The following NLGN1 variants were observed in gnomAD, a reference collection of about 807,000 sequenced individuals.
The protein encoded by NLGN1 is neuroligin 1.
In NLGN1, 12 loss-of-function variants were observed where a neutral mutation model predicts 65.5. The ratio of observed to expected loss-of-function variants is 0.18; its 90% CI spans 0.12 to 0.30. NLGN1 has a LOEUF of 0.30. Among genes scored for constraint, NLGN1 ranks in the 10% least tolerant of loss-of-function variants. The probability of loss-of-function intolerance (pLI) is 1.00; values close to 1 mark genes in which losing one functional copy is unlikely to be tolerated. For missense variants in NLGN1, 750 were observed against 1,007.1 expected (o/e 0.74, Z 3.46); for synonymous variants, 350 against 359.5 (o/e 0.97, Z 0.30).
At chr3:173,808,795 T>C (rs2150456031) in intron 4 of NLGN1, among the ~76,000 whole-genome samples, 1 of 152,282 alleles carries the variant, frequency 6.6e-6, no homozygotes, top group Middle Eastern at 3.4e-3. Flanking sequence ...GCCTCACTCT[T>C]TCATTCTATT....
intron 3 of NLGN1, chr3:173,685,830 ATCATTTACTATTCT>A: frequency 1.0e-6 from 1 of 975,448 alleles, no homozygotes; most frequent in Non-Finnish European, 1.2e-6. Context: ...ATATGGAGAT[ATCATTTACTATTCT>A]TCAACATCAG....
chr3:173,797,698 AC>A (rs774837169), intron 3 of NLGN1, among the ~76,000 whole-genome samples: 168 of 147,598 alleles, frequency 1.1e-3, no homozygotes, highest in African/African-American at 3.3e-3. Context: ...AACAACAACA[AC>A]AAAAAAAAAC....
intron 3 of NLGN1, among the ~76,000 whole-genome samples, chr3:173,685,392 G>A (rs1764537442): frequency 6.6e-6 from 1 of 152,156 alleles, no homozygotes; most frequent in Non-Finnish European, 1.5e-5. Flanking sequence ...AAAATTAAGA[G>A]CTAAACGTGT....
At chr3:173,857,549 C>T (rs2150778063) in intron 4 of NLGN1, among the ~76,000 whole-genome samples, 1 of 151,930 alleles carries the variant, frequency 6.6e-6, no homozygotes, top group African/African-American at 2.4e-5. Context: ...TTGATAATAA[C>T]AATATTGAAC....
intron 4 of NLGN1, among the ~76,000 whole-genome samples, chr3:174,108,848 C>T (rs1236683180): frequency 1.3e-5 from 2 of 151,976 alleles, no homozygotes; most frequent in African/African-American, 4.8e-5. Flanking sequence ...GTCTGAGGTC[C>T]CTAACTGATC....
intron 3 of NLGN1, among the ~76,000 whole-genome samples, chr3:173,734,379 C>CAATTTTTTTTTTTTTTTTTTT (rs1560261820): frequency 1.7e-5 from 1 of 59,048 alleles, no homozygotes; most frequent in African/African-American, 6.4e-5. Flanking sequence ...GTGGATAATT[C>CAATTTTTTTTTTTTTTTTTTT]TATTTTTTTT....
chr3:174,125,503 T>G (rs1718746155), intron 4 of NLGN1, among the ~76,000 whole-genome samples: 1 of 151,916 alleles, frequency 6.6e-6, no homozygotes, highest in South Asian at 2.1e-4. Flanking sequence ...AGAAGGAGTT[T>G]AGGTGGGGGA....
intron 3 of NLGN1, among the ~76,000 whole-genome samples, chr3:173,791,339 T>C (rs1387386298): frequency 6.6e-6 from 1 of 152,198 alleles, no homozygotes; most frequent in Non-Finnish European, 1.5e-5. Flanking sequence ...CTCTTGTCCT[T>C]ACTTTACATC....
intron 2 of NLGN1, among the ~76,000 whole-genome samples, chr3:173,451,805 C>G (rs1192224815): frequency 6.6e-6 from 1 of 152,202 alleles, no homozygotes; most frequent in Non-Finnish European, 1.5e-5. Flanking sequence ...AGTTTGATCT[C>G]AGACTGCTAT....
In NLGN1 at chr3:173,593,207, T is replaced by C. The variant is rs115357683; in HGVS notation, c.-320-11072T>C. On this transcript the variant is annotated intron_variant, in intron 2 of 6. Coordinates refer to ENST00000457714, the Ensembl canonical transcript of NLGN1. ...CTTACTTAAAGTCTATCTTCCCCCA[T>C]TGAACTTCAGTCTTTTTAAAACAAT... Among the ~76,000 whole-genome samples the C allele has an allele frequency of 5.9e-5, 9 of 152,288 alleles. No homozygotes were observed. In the South Asian group the frequency reaches 1.0e-3, roughly 18 times the overall value.
intron 4 of NLGN1, among the ~76,000 whole-genome samples, chr3:173,823,984 A>T (rs952164795): frequency 1.3e-5 from 2 of 151,488 alleles, no homozygotes; most frequent in African/African-American, 4.8e-5. Flanking sequence ...TTTTTAAGAT[A>T]TTCCTTTTAC....
At chr3:174,137,550 A>G (rs1175623743) in intron 4 of NLGN1, among the ~76,000 whole-genome samples, 1 of 152,124 alleles carries the variant, frequency 6.6e-6, no homozygotes, top group Non-Finnish European at 1.5e-5. Context: ...ATTGTTGGAA[A>G]TCTCAAATAA....
At position 173,765,681 on chromosome 3, in the gene NLGN1, G is replaced by A. The variant is rs548676301; in HGVS notation, c.494-41999G>A. ...TTAGTCCAGTTTACTTCAATTTCTG[G>A]GATTTTGGAATGACCATTGCCACCA... On this transcript the variant is annotated intron_variant, in intron 3 of 6. Coordinates refer to ENST00000457714, the Ensembl canonical transcript of NLGN1. Among the ~76,000 whole-genome samples, 7 of 152,138 alleles carry A rather than the reference G, an allele frequency of 4.6e-5. No homozygotes were observed. The South Asian group carries it at 1.5e-3, about 32-fold the overall frequency.
chr3:173,883,814 CTTTTTTTTT>C lies in NLGN1; in HGVS notation c.646+75995_646+76003del, dbSNP rs74363696. ...TTAGTTTTGATTAAAGGGAAACTTT[CTTTTTTTTT>C]TTTTTTTTTTTTAGAATTCCATGAC... On this transcript the variant is annotated intron_variant, in intron 4 of 6. Transcript: ENST00000457714. Among the ~76,000 whole-genome samples, 4 of 96,476 alleles carry C rather than the reference CTTTTTTTTT, an allele frequency of 4.1e-5. No homozygotes were observed. The South Asian group carries it at 1.3e-3, about 31-fold the overall frequency. 63.3% of individuals were successfully genotyped at this position (96,476 alleles called of 152,430 possible). A position where few individuals can be genotyped will look rare whatever the true frequency, so the allele number is the denominator to read the frequency against.
intron 4 of NLGN1, among the ~76,000 whole-genome samples, chr3:174,182,188 C>T (rs527546281): frequency 6.6e-6 from 1 of 151,948 alleles, no homozygotes; most frequent in Non-Finnish European, 1.5e-5. Context: ...CATTTTATCT[C>T]CACTATCATT....
intron 3 of NLGN1, among the ~76,000 whole-genome samples, chr3:173,730,730 G>A (rs149341761): frequency 3.9e-4 from 59 of 152,030 alleles, no homozygotes; most frequent in Middle Eastern, 3.4e-3. Flanking sequence ...GAGGAAATAG[G>A]CAAATTGTTT....
intron 4 of NLGN1, among the ~76,000 whole-genome samples, chr3:174,145,384 G>A (rs1429376880): frequency 3.3e-5 from 5 of 151,916 alleles, no homozygotes; most frequent in South Asian, 4.2e-4. Flanking sequence ...TTGGTGGCGC[G>A]CACCTGTAGT....
chr3:173,716,141 C>T (rs1336075942), intron 3 of NLGN1, among the ~76,000 whole-genome samples: 1 of 152,076 alleles, frequency 6.6e-6, no homozygotes, highest in Non-Finnish European at 1.5e-5. Flanking sequence ...TCAAAGCTGG[C>T]TGTATGTAAG....
intron 3 of NLGN1, among the ~76,000 whole-genome samples, chr3:173,685,971 G>A (rs992529770): frequency 6.6e-6 from 1 of 152,148 alleles, no homozygotes; most frequent in African/African-American, 2.4e-5. Flanking sequence ...AAGGGTAAAG[G>A]GAAGAGGGAG....
Sources: allele counts gnomAD v4.1 joint callset (sites outside exome capture counted in the v4.1 genomes callset), GRCh38; gene constraint gnomAD v4.1.1; transcripts MANE v1.5; gene names NCBI Gene and HGNC (gene_info 2026-07-23, HGNC 2026-07-21).